The following TPD52 variants were observed in gnomAD, a reference collection of about 807,000 sequenced individuals.
TPD52 encodes prostate and colon associated protein.
A neutral mutation model predicts 31.3 loss-of-function variants in TPD52; 17 were observed. The observed-to-expected ratio is 0.54, with a 90% CI of 0.37 to 0.82. The LOEUF is 0.82. Ranked by LOEUF, TPD52 falls within the 40% of genes least tolerant of loss-of-function variation. The probability of loss-of-function intolerance (pLI) is 0.00; values close to 1 mark genes in which losing one functional copy is unlikely to be tolerated. For missense variants in TPD52, 212 were observed against 240.1 expected, an observed-to-expected ratio of 0.88 and a Z score of 0.77; for synonymous variants, 83 against 89.6, an observed-to-expected ratio of 0.93 and a Z score of 0.42.
intron 1 of TPD52, chr8:80,066,965 A>G (rs530455846): frequency 6.6e-6 from 1 of 152,344 alleles, no homozygotes; most frequent in East Asian, 1.9e-4. Context: ...ACAGATCTCC[A>G]AAACAAAACA....
intron 1 of TPD52, among the ~76,000 whole-genome samples, chr8:80,092,080 C>T (rs1816319135): frequency 1.3e-5 from 2 of 152,186 alleles, no homozygotes; most frequent in Non-Finnish European, 2.9e-5. Context: ...ATATGATACT[C>T]TATCACATGC....
At chr8:80,108,124 C>T (rs1014851101) in intron 1 of TPD52, among the ~76,000 whole-genome samples, 4 of 152,082 alleles carry the variant, frequency 2.6e-5, no homozygotes, top group Admixed American at 2.6e-4. Flanking sequence ...AAAGGAGTCC[C>T]AAAAAGCCCC....
At chr8:80,070,948 T>C (rs1421325798) in intron 1 of TPD52, among the ~76,000 whole-genome samples, 2 of 152,170 alleles carry the variant, frequency 1.3e-5, no homozygotes, top group Non-Finnish European at 2.9e-5. Context: ...CAATGGTTCA[T>C]GTCCTTATAA....
At chr8:80,044,115 T>C (rs962536171) in intron 6 of TPD52, 52 bp downstream of exon 6, 1 of 1,463,514 alleles carries the variant, frequency 6.8e-7, no homozygotes, top group African/African-American at 1.4e-5. Context: ...AACATCTAAA[T>C]AAAGAAAAAT....
intron 1 of TPD52, among the ~76,000 whole-genome samples, chr8:80,101,964 C>A (rs577752485): frequency 6.6e-6 from 1 of 152,250 alleles, no homozygotes; most frequent in South Asian, 2.1e-4. Context: ...AGGAGGAAGG[C>A]AGACAGAGAA....
At chr8:80,122,359 C>T (rs955033097) in intron 1 of TPD52, among the ~76,000 whole-genome samples, 1 of 152,114 alleles carries the variant, frequency 6.6e-6, no homozygotes, top group Admixed American at 6.5e-5. Flanking sequence ...AAAACAAAAA[C>T]AAGATTAAAA....
chr8:80,058,480 T>C (rs1297010999), intron 2 of TPD52, among the ~76,000 whole-genome samples: 3 of 152,238 alleles, frequency 2.0e-5, no homozygotes, highest in African/African-American at 7.2e-5. Flanking sequence ...AAAGGTTATC[T>C]GTATTCTAAT....
At chr8:80,115,470 A>G (rs753348325) in intron 1 of TPD52, among the ~76,000 whole-genome samples, 1 of 152,246 alleles carries the variant, frequency 6.6e-6, no homozygotes, top group African/African-American at 2.4e-5. Flanking sequence ...ATCAAGAGTC[A>G]TACAAGCGGC....
At chr8:80,101,567 C>T (rs1215426954) in intron 1 of TPD52, among the ~76,000 whole-genome samples, 1 of 151,520 alleles carries the variant, frequency 6.6e-6, no homozygotes, top group African/African-American at 2.4e-5. Context: ...TTATATTTGG[C>T]TCATGGTTCT....
intron 1 of TPD52, among the ~76,000 whole-genome samples, chr8:80,170,177 G>A (rs1465085932): frequency 6.6e-6 from 1 of 152,176 alleles, no homozygotes; most frequent in Admixed American, 6.5e-5. Flanking sequence ...CACTTTGGGA[G>A]GCTGAGGCGG....
chr8:80,063,084 A>T (rs1264010579), intron 2 of TPD52, among the ~76,000 whole-genome samples: 1 of 152,252 alleles, frequency 6.6e-6, no homozygotes, highest in Non-Finnish European at 1.5e-5. Flanking sequence ...TACTCAAGCA[A>T]GTATTTGTTC....
chr8:80,080,539 G>A, intron 1 of TPD52: 3 of 1,538,540 alleles, frequency 1.9e-6, no homozygotes, highest in Non-Finnish European at 2.6e-6. Flanking sequence ...TCCCTTTGTA[G>A]GGTGCAACTT....
At chr8:80,136,447 C>T (rs1164956918) in intron 1 of TPD52, among the ~76,000 whole-genome samples, 2 of 143,048 alleles carry the variant, frequency 1.4e-5, no homozygotes, top group Non-Finnish European at 3.0e-5. Context: ...TGGCAGGAAC[C>T]CGGGAAGCAG....
At chr8:80,068,253 C>T (rs1485363277) in intron 1 of TPD52, among the ~76,000 whole-genome samples, 4 of 152,002 alleles carry the variant, frequency 2.6e-5, no homozygotes, top group Admixed American at 6.6e-5. Context: ...CAGGAAACTG[C>T]GGTCCTCTAA....
chr8:80,167,520 G>C (rs1440839411), intron 1 of TPD52, among the ~76,000 whole-genome samples: 1 of 152,160 alleles, frequency 6.6e-6, no homozygotes, highest in Non-Finnish European at 1.5e-5. Context: ...AGCTAACAAA[G>C]ACATCAGCAC....
intron 1 of TPD52, among the ~76,000 whole-genome samples, chr8:80,084,677 C>CCTAA (rs762296699): frequency 6.6e-6 from 1 of 152,210 alleles, no homozygotes; most frequent in Non-Finnish European, 1.5e-5. Context: ...TAGAAAGAGT[C>CCTAA]CTAACATACC....
chr8:80,078,413 A>G (rs541020081), intron 1 of TPD52, among the ~76,000 whole-genome samples: 1 of 152,346 alleles, frequency 6.6e-6, no homozygotes, highest in Admixed American at 6.5e-5. Flanking sequence ...TTCATAATGT[A>G]TTGGTCCTAA....
At chr8:80,034,159 A>G (rs1209305050), downstream of TPD52, among the ~76,000 whole-genome samples, 1 of 152,042 alleles carries the variant, frequency 6.6e-6, no homozygotes, top group African/African-American at 2.4e-5. Context: ...CACCCTGAGG[A>G]TGCACACACC....
intron 1 of TPD52, among the ~76,000 whole-genome samples, chr8:80,152,674 G>A (rs961345240): frequency 1.1e-4 from 16 of 151,648 alleles, no homozygotes; most frequent in Admixed American, 4.6e-4. Flanking sequence ...CCAGCTACTC[G>A]GGAGGCTGAG....
Sources: gnomAD v4.1 joint callset for allele counts (sites outside exome capture counted in the v4.1 genomes callset) on GRCh38, gnomAD v4.1.1 for gene constraint, MANE v1.5 for transcripts, NCBI Gene and HGNC (gene_info 2026-07-23, HGNC 2026-07-21) for gene names.